The following SPATA16 variants were observed in gnomAD, a reference collection of about 807,000 sequenced individuals.
SPATA16 encodes spermatogenesis-associated protein 16.
Under a neutral mutation model 63.3 loss-of-function variants are expected in SPATA16, and 36 were observed. The observed-to-expected ratio is 0.57, with a 90% CI of 0.44 to 0.75. The LOEUF is 0.75. SPATA16 is among the 30% of genes least tolerant of loss of function. The probability of loss-of-function intolerance (pLI) is 0.00; values close to 1 mark genes in which losing one functional copy is unlikely to be tolerated. For missense variants in SPATA16, 646 were observed against 679.3 expected, an observed-to-expected ratio of 0.95 and a Z score of 0.54; for synonymous variants, 203 against 216.7, an observed-to-expected ratio of 0.94 and a Z score of 0.56.
chr3:173,067,509 G>A (rs1257715393), intron 2 of SPATA16, among the ~76,000 whole-genome samples: 1 of 152,064 alleles, frequency 6.6e-6, no homozygotes, highest in Non-Finnish European at 1.5e-5. Flanking sequence ...AATTACATGG[G>A]TGACAAAGTT....
At chr3:173,060,003 T>A (rs1005785383) in intron 2 of SPATA16, among the ~76,000 whole-genome samples, 1 of 152,076 alleles carries the variant, frequency 6.6e-6, no homozygotes, top group African/African-American at 2.4e-5. Context: ...ATGCCTGTAA[T>A]CCCAGCACTT....
At chr3:173,008,230 C>T (rs779472376) in intron 4 of SPATA16, among the ~76,000 whole-genome samples, 12 of 152,038 alleles carry the variant, frequency 7.9e-5, no homozygotes, top group Admixed American at 2.6e-4. Flanking sequence ...ATGAGTTTGC[C>T]GAATGACCAG....
intron 6 of SPATA16, among the ~76,000 whole-genome samples, chr3:172,950,462 T>C (rs1327118310): frequency 6.6e-6 from 1 of 152,226 alleles, no homozygotes; most frequent in Non-Finnish European, 1.5e-5. Context: ...ATAACCAAAC[T>C]GGCTTTAACA....
intron 2 of SPATA16, among the ~76,000 whole-genome samples, chr3:173,113,670 A>AATTG (rs1396399287): frequency 2.0e-5 from 3 of 152,236 alleles, no homozygotes; most frequent in Admixed American, 6.5e-5. Flanking sequence ...GTACTTTGTC[A>AATTG]AGAACACAAA....
chr3:173,111,703 T>C (rs772312399), intron 2 of SPATA16, among the ~76,000 whole-genome samples: 1 of 152,242 alleles, frequency 6.6e-6, no homozygotes, highest in Non-Finnish European at 1.5e-5. Context: ...ATATCTTTTC[T>C]ACTTCATTAA....
intron 2 of SPATA16, among the ~76,000 whole-genome samples, chr3:173,098,996 T>C (rs1206669573): frequency 1.3e-5 from 2 of 152,134 alleles, no homozygotes; most frequent in Non-Finnish European, 2.9e-5. Flanking sequence ...AACCTTCAAC[T>C]ATCAAGGATC....
At chr3:173,069,844 T>C (rs9825407) in intron 2 of SPATA16, among the ~76,000 whole-genome samples, 18,195 of 152,076 alleles carry the variant, frequency 0.12, 1,227 homozygotes, top group East Asian at 0.25. Flanking sequence ...CACACATCAA[T>C]AAATGTAATA....
rs145755395 is a variant in SPATA16 at position 173,124,342 on chromosome 3, G to A, written c.-18-6593C>T. Among the ~76,000 whole-genome samples, 6 of 152,310 alleles carry A rather than the reference G, an allele frequency of 3.9e-5. No homozygotes were observed. In the East Asian group the frequency reaches 1.2e-3, roughly 29 times the overall value. ...AAATTGGGAATGATCGGATACATGA[G>A]AATCATGTGAGAATCAAATGAGATG... On this transcript the variant is annotated intron_variant, in intron 1 of 10. Coordinates refer to ENST00000351008, the MANE Select transcript of SPATA16 (RefSeq NM_031955.6).
At chr3:173,049,243 CT>C in intron 2 of SPATA16, 149 bp from the exon 3 acceptor site, 1 of 733,526 alleles carries the variant, frequency 1.4e-6, no homozygotes, top group Non-Finnish European at 2.1e-6. Context: ...ATATATGATG[CT>C]TTTTCCAAAC....
At chr3:172,974,183 A>G (rs1409100081) in intron 5 of SPATA16, among the ~76,000 whole-genome samples, 1 of 152,100 alleles carries the variant, frequency 6.6e-6, no homozygotes, top group African/African-American at 2.4e-5. Flanking sequence ...GTAAATATAG[A>G]CGTGTTCTCA....
In SPATA16 at chr3:172,891,317, G is replaced by A. The variant is rs368411121; in HGVS notation, c.1588-1625C>T. On this transcript the variant is annotated intron_variant, in intron 10 of 10. Transcript: ENST00000351008. ...TCTGCTGTCTTTTAAAAACAATTGT[G>A]TTCATTAAGAGCAGTACTGAGTAAT... is the stretch of plus-strand genomic sequence containing the variant. 5.9e-5 allele frequency among the ~76,000 whole-genome samples: 9 copies of A among 152,238 alleles called. 1 individual carries two copies. The highest frequency in any genetic ancestry group is 1.3e-4 in the Admixed American group (2 of 15,282).
At chr3:173,096,679 T>C (rs928611974) in intron 2 of SPATA16, among the ~76,000 whole-genome samples, 50 of 152,124 alleles carry the variant, frequency 3.3e-4, no homozygotes, top group African/African-American at 1.2e-3. Context: ...TTAGCAATAT[T>C]TATTGAATTT....
chr3:172,891,572 G>T (rs1467962061), intron 10 of SPATA16, among the ~76,000 whole-genome samples: 1 of 152,076 alleles, frequency 6.6e-6, no homozygotes, highest in Non-Finnish European at 1.5e-5. Context: ...TCTTTCCCTT[G>T]CTTAATTATA....
intron 4 of SPATA16, among the ~76,000 whole-genome samples, chr3:172,995,979 T>A (rs933025043): frequency 2.0e-5 from 3 of 152,148 alleles, no homozygotes. Flanking sequence ...GTCCTTTTTT[T>A]CTGTTCAAGT....
chr3:173,062,573 A>T (rs9833380), intron 2 of SPATA16, among the ~76,000 whole-genome samples: 58,078 of 151,940 alleles, frequency 0.38, 11,700 homozygotes, highest in African/African-American at 0.51. Context: ...ATGAGATAAG[A>T]CTGACTAACT....
At chr3:173,046,356 T>G (rs545676043) in intron 3 of SPATA16, among the ~76,000 whole-genome samples, 1 of 152,162 alleles carries the variant, frequency 6.6e-6, no homozygotes, top group Admixed American at 6.5e-5. Flanking sequence ...TTTGTATCAT[T>G]GACTATTTTA....
intron 2 of SPATA16, among the ~76,000 whole-genome samples, chr3:173,088,639 G>A (rs1244265851): frequency 1.3e-5 from 2 of 152,074 alleles, no homozygotes; most frequent in African/African-American, 4.8e-5. Context: ...AAAAATCAGA[G>A]GAAAGGAACT....
chr3:172,920,194 C>T (rs531734458), intron 8 of SPATA16, among the ~76,000 whole-genome samples: 2 of 152,156 alleles, frequency 1.3e-5, no homozygotes, highest in African/African-American at 2.4e-5. Flanking sequence ...CTACTCTGAG[C>T]CACAGTTTCC....
chr3:173,040,972 A>G (rs1189038876), intron 3 of SPATA16, among the ~76,000 whole-genome samples: 1 of 152,128 alleles, frequency 6.6e-6, no homozygotes, highest in Non-Finnish European at 1.5e-5. Context: ...CAAAGGAAGT[A>G]TAATCTTTGC....
Sources: gnomAD v4.1 joint callset for allele counts (sites outside exome capture counted in the v4.1 genomes callset) on GRCh38, gnomAD v4.1.1 for gene constraint, MANE v1.5 for transcripts, NCBI Gene and HGNC (gene_info 2026-07-23, HGNC 2026-07-21) for gene names.